The following MTSS1 variants were observed in gnomAD, a reference collection of about 807,000 sequenced individuals.
MTSS1 encodes the protein MTSS I-BAR domain containing 1.
A neutral mutation model predicts 79.0 loss-of-function variants in MTSS1; 18 were observed. The ratio of observed to expected loss-of-function variants is 0.23; its 90% CI spans 0.16 to 0.34. The LOEUF is 0.34. Among genes scored for constraint, MTSS1 ranks in the 10% least tolerant of loss-of-function variants. The pLI, the probability that MTSS1 is intolerant of heterozygous loss-of-function variation, is 1.00. For missense variants in MTSS1, 815 were observed against 986.2 expected (o/e 0.83, Z 2.33); for synonymous variants, 341 against 368.6 (o/e 0.93, Z 0.86).
intron 10 of MTSS1, chr8:124,558,690 G>A: frequency 2.6e-6 from 4 of 1,521,418 alleles, no homozygotes; most frequent in Non-Finnish European, 3.5e-6. Context: ...TGGGGCCGCT[G>A]TGGCTGCCAC....
In MTSS1 at chr8:124,551,356, A is replaced by G. The variant is rs1378873163; in HGVS notation, c.*1636T>C. The G allele has an allele frequency of 6.6e-6, 1 of 152,666 alleles. No homozygotes were observed. The highest frequency in any genetic ancestry group is 2.4e-5 in the African/African-American group (1 of 41,458). The allele number at this position is 152,666 out of a possible 1,614,324, so 9.5% of individuals were successfully genotyped here. A position where few individuals can be genotyped will look rare whatever the true frequency, so the allele number is the denominator to read the frequency against. ...AAAAAAGCTTAAATAGTTTCTAATA[A>G]TCATGCCTTTGCTTTAAAGCCGTAA... On this transcript the variant is annotated 3_prime_UTR_variant, in exon 14 of 14. Coordinates refer to ENST00000518547, the MANE Select transcript of MTSS1 (RefSeq NM_014751.6).
At chr8:124,684,103 T>C (rs1826570203) in intron 3 of MTSS1, among the ~76,000 whole-genome samples, 1 of 151,890 alleles carries the variant, frequency 6.6e-6, no homozygotes, top group Non-Finnish European at 1.5e-5. Context: ...AACCTTTCTT[T>C]ATTTCTTTTT....
intron 3 of MTSS1, among the ~76,000 whole-genome samples, chr8:124,623,713 T>A (rs7842533): frequency 6.6e-6 from 1 of 152,012 alleles, no homozygotes; most frequent in Admixed American, 6.5e-5. Flanking sequence ...GATCTCAGCT[T>A]ACTGCAACCT....
intron 7 of MTSS1, 87 bp from the exon 8 acceptor site, chr8:124,567,265 T>C: frequency 9.0e-7 from 1 of 1,114,918 alleles, no homozygotes; most frequent in Non-Finnish European, 1.3e-6. Flanking sequence ...AGGGTCTCTG[T>C]ATAACCCTTT....
intron 3 of MTSS1, among the ~76,000 whole-genome samples, chr8:124,671,612 G>A (rs1333127303): frequency 6.6e-6 from 1 of 152,178 alleles, no homozygotes; most frequent in Non-Finnish European, 1.5e-5. Context: ...TATTCCCACT[G>A]GGTGGCTCAA....
chr8:124,577,634 T>C, intron 6 of MTSS1: 1 of 518,824 alleles, frequency 1.9e-6, no homozygotes, highest in South Asian at 1.4e-5. Flanking sequence ...AATTCTAGCA[T>C]CCCTGCTTCC....
chr8:124,614,723 G>T (rs913154633), intron 3 of MTSS1, among the ~76,000 whole-genome samples: 3 of 152,214 alleles, frequency 2.0e-5, no homozygotes, highest in Non-Finnish European at 4.4e-5. Flanking sequence ...CTATAGGAAA[G>T]AAGTACCCAA....
chr8:124,600,413 G>A (rs779258076), intron 3 of MTSS1, among the ~76,000 whole-genome samples: 8 of 152,190 alleles, frequency 5.3e-5, no homozygotes, highest in Non-Finnish European at 1.2e-4. Flanking sequence ...GTTTATAAGC[G>A]CACACAGCGG....
At chr8:124,668,865 C>T (rs758292822) in intron 3 of MTSS1, among the ~76,000 whole-genome samples, 30 of 152,212 alleles carry the variant, frequency 2.0e-4, no homozygotes, top group Non-Finnish European at 3.8e-4. Flanking sequence ...GTGCAAACCA[C>T]CATTACCACC....
chr8:124,722,211 C>T (rs7813709), intron 1 of MTSS1, among the ~76,000 whole-genome samples: 2 of 152,106 alleles, frequency 1.3e-5, no homozygotes, highest in East Asian at 3.9e-4. Flanking sequence ...AGAGGCAGCA[C>T]AGGAAGGAGT....
chr8:124,632,604 T>C (rs1293444812), intron 3 of MTSS1, among the ~76,000 whole-genome samples: 3 of 152,138 alleles, frequency 2.0e-5, no homozygotes, highest in African/African-American at 7.2e-5. Flanking sequence ...AATAATTGTA[T>C]TGTTGGTCAA....
At chr8:124,654,490 G>A (rs1820586293) in intron 3 of MTSS1, among the ~76,000 whole-genome samples, 1 of 152,136 alleles carries the variant, frequency 6.6e-6, no homozygotes, top group African/African-American at 2.4e-5. Flanking sequence ...AAGATCAGGA[G>A]AAATGATCAA....
At chr8:124,696,786 G>A (rs773832710) in intron 3 of MTSS1, among the ~76,000 whole-genome samples, 1 of 151,614 alleles carries the variant, frequency 6.6e-6, no homozygotes, top group Non-Finnish European at 1.5e-5. Context: ...TAGAGGGGAA[G>A]GTTGCAGTGA....
chr8:124,717,702 T>A (rs925592297), intron 1 of MTSS1, among the ~76,000 whole-genome samples: 23 of 152,240 alleles, frequency 1.5e-4, no homozygotes, highest in African/African-American at 4.1e-4. Context: ...TCTCAAAAAA[T>A]ATATATATAA....
chr8:124,676,924 T>C (rs1035826701), intron 3 of MTSS1, among the ~76,000 whole-genome samples: 1 of 152,212 alleles, frequency 6.6e-6, no homozygotes, highest in South Asian at 2.1e-4. Context: ...ATACTCGTCA[T>C]TGTATACATA....
intron 3 of MTSS1, among the ~76,000 whole-genome samples, chr8:124,612,257 A>G (rs1835946186): frequency 6.6e-6 from 1 of 152,222 alleles, no homozygotes. Flanking sequence ...GAGTGGGGCA[A>G]TGGCAGGAGC....
chr8:124,620,492 T>C (rs1285037705), intron 3 of MTSS1, among the ~76,000 whole-genome samples: 3 of 152,190 alleles, frequency 2.0e-5, no homozygotes, highest in African/African-American at 7.2e-5. Flanking sequence ...ACGGCATGCA[T>C]TGGACACTCC....
At chr8:124,603,976 C>CTG (rs1834361626) in intron 3 of MTSS1, among the ~76,000 whole-genome samples, 1 of 152,142 alleles carries the variant, frequency 6.6e-6, no homozygotes, top group Non-Finnish European at 1.5e-5. Context: ...AACAAACAGG[C>CTG]TGGGCATGGT....
At chr8:124,578,443 C>T (rs939996386) in intron 6 of MTSS1, among the ~76,000 whole-genome samples, 1 of 152,048 alleles carries the variant, frequency 6.6e-6, no homozygotes, top group African/African-American at 2.4e-5. Context: ...ACTACCCTAC[C>T]CCCAGGCTTA....
Sources: gnomAD v4.1 joint callset for allele counts (sites outside exome capture counted in the v4.1 genomes callset) on GRCh38, gnomAD v4.1.1 for gene constraint, MANE v1.5 for transcripts, NCBI Gene and HGNC (gene_info 2026-07-23, HGNC 2026-07-21) for gene names.